The following IDH3A variants were observed in gnomAD, a reference collection of about 807,000 sequenced individuals.
IDH3A encodes the protein isocitrate dehydrogenase [NAD] subunit alpha, mitochondrial.
Under a neutral mutation model 43.3 loss-of-function variants are expected in IDH3A, and 23 were observed. The observed-to-expected ratio is 0.53, with a 90% CI of 0.38 to 0.75. The LOEUF (loss-of-function observed/expected upper bound fraction) is 0.75, where lower values mean the gene tolerates loss of function less well. Among genes scored for constraint, IDH3A ranks in the 30% least tolerant of loss-of-function variants. The pLI is 0.00. For synonymous variants in IDH3A, 154 were observed against 163.5 expected (o/e 0.94, Z 0.44); for missense variants, 329 against 474.4 (o/e 0.69, Z 2.85).
At chr15:78,151,240 G>A (rs2074571260) in intron 1 of IDH3A, 1 of 152,232 alleles carries the variant, frequency 6.6e-6, no homozygotes, top group South Asian at 2.1e-4. Flanking sequence ...GTGCTGAGCT[G>A]GATGCCGGTT....
At chr15:78,150,842 G>C (rs566964669) in intron 1 of IDH3A, 19 of 152,294 alleles carry the variant, frequency 1.2e-4, no homozygotes, top group African/African-American at 4.3e-4. Flanking sequence ...AGATTTGCTT[G>C]TGATGATAAC....
chr15:78,162,403 T>C, intron 6 of IDH3A, 36 bp downstream of exon 6: 1 of 1,608,460 alleles, frequency 6.2e-7, no homozygotes. Flanking sequence ...CCCATCTTGC[T>C]TTGTTGTGGG....
intron 3 of IDH3A, among the ~76,000 whole-genome samples, chr15:78,159,340 A>T (rs1222095588): frequency 1.3e-5 from 2 of 149,040 alleles, no homozygotes; most frequent in African/African-American, 5.0e-5. Context: ...CCAACCACTC[A>T]TCTACTTTCT....
intron 9 of IDH3A, 102 bp downstream of exon 9, chr15:78,165,178 G>T (rs2141301479): frequency 2.7e-6 from 2 of 746,914 alleles, no homozygotes; most frequent in African/African-American, 1.9e-5. Context: ...TTTTCAAATT[G>T]TCAAAACAAA....
At chr15:78,164,480 T>G (rs1381737467) in intron 8 of IDH3A, among the ~76,000 whole-genome samples, 3 of 151,832 alleles carry the variant, frequency 2.0e-5, no homozygotes, top group Non-Finnish European at 4.4e-5. Context: ...CCCTGAGTAG[T>G]TGGTATTATT....
At chr15:78,165,403 C>T (rs1225996407) in intron 9 of IDH3A, among the ~76,000 whole-genome samples, 1 of 151,958 alleles carries the variant, frequency 6.6e-6, no homozygotes, top group Non-Finnish European at 1.5e-5. Flanking sequence ...GTTGGCCAGG[C>T]TGTTCTTGAA....
At chr15:78,167,292 G>C (rs1005318811) in intron 10 of IDH3A, among the ~76,000 whole-genome samples, 2 of 152,184 alleles carry the variant, frequency 1.3e-5, no homozygotes, top group African/African-American at 2.4e-5. Flanking sequence ...GAGGTACAGA[G>C]AGAATAAATA....
Position 78,170,488 on chromosome 15 carries a change from T to C in IDH3A, c.*1483T>C, listed in dbSNP as rs1329870429. On this transcript the variant is annotated 3_prime_UTR_variant, in exon 11 of 11. Transcript: ENST00000299518. ...TGCTGCTTCCTCTGTTTCATTGGAT[T>C]GTGCCAGTTATCAGTGGCTCTTGGG... 1 of 152,238 alleles carries C rather than the reference T, an allele frequency of 6.6e-6. No homozygotes were observed. Among genetic ancestry groups the C allele is most frequent in the African/African-American group, 2.4e-5 (1 of 41,454 alleles). The allele number at this position is 152,238 out of a possible 1,614,324, so 9.4% of individuals were successfully genotyped here. A position where few individuals can be genotyped will look rare whatever the true frequency, so the allele number is the denominator to read the frequency against.
At chr15:78,154,189 A>AG (rs2074604972) in intron 1 of IDH3A, among the ~76,000 whole-genome samples, 2 of 65,092 alleles carry the variant, frequency 3.1e-5, no homozygotes, top group Non-Finnish European at 8.2e-5. Flanking sequence ...TTGGAGAGAG[A>AG]AAAAAAAAAA....
chr15:78,165,731 C>T (rs2074733181), intron 9 of IDH3A, among the ~76,000 whole-genome samples: 2 of 151,980 alleles, frequency 1.3e-5, no homozygotes, highest in Non-Finnish European at 2.9e-5. Context: ...TTCTGTCACC[C>T]AGGCTGGAGT....
At chr15:78,163,347 T>C in intron 6 of IDH3A, 160 bp from the exon 7 acceptor site, 1 of 575,136 alleles carries the variant, frequency 1.7e-6, no homozygotes, top group Non-Finnish European at 3.1e-6. Context: ...ATTTTCAGCT[T>C]ATATTTTATT....
At chr15:78,162,422 G>T in intron 6 of IDH3A, 55 bp downstream of exon 6, 4 of 1,589,382 alleles carry the variant, frequency 2.5e-6, no homozygotes, top group Non-Finnish European at 3.4e-6. Flanking sequence ...GGAGAGCAGT[G>T]ACAGGGCTTC....
chr15:78,157,341 CAGGTAAAG>C, intron 2 of IDH3A, 199 bp from the exon 3 acceptor site: 1 of 640,736 alleles, frequency 1.6e-6, no homozygotes, highest in Non-Finnish European at 2.5e-6. Flanking sequence ...CCTCTGAACT[CAGGTAAAG>C]AGTAGGATTG....
At chr15:78,168,181 A>G (rs1456849630) in intron 10 of IDH3A, 1 of 151,964 alleles carries the variant, frequency 6.6e-6, no homozygotes, top group Non-Finnish European at 1.5e-5. Flanking sequence ...AGTTGCAGCT[A>G]TAGGCTGAGG....
At chr15:78,158,463 A>ATATATATATATATATATT (rs1212083496) in intron 3 of IDH3A, among the ~76,000 whole-genome samples, 1 of 67,388 alleles carries the variant, frequency 1.5e-5, no homozygotes, top group African/African-American at 5.5e-5. Flanking sequence ...ATATATATAT[A>ATATATATATATATATATT]TTTTTTTTTT....
At chr15:78,154,348 C>T (rs2074607171) in intron 1 of IDH3A, 1 of 152,106 alleles carries the variant, frequency 6.6e-6, no homozygotes, top group Non-Finnish European at 1.5e-5. Context: ...TATTTAAAAT[C>T]TTTATTCTGT....
At chr15:78,157,434 A>G (rs2074632957) in intron 2 of IDH3A, 114 bp from the exon 3 acceptor site, 1 of 754,114 alleles carries the variant, frequency 1.3e-6, no homozygotes, top group Non-Finnish European at 2.1e-6. Context: ...TCTTAACAGC[A>G]TTTGAATCTT....
chr15:78,160,320 C>T, intron 4 of IDH3A, 114 bp downstream of exon 4: 3 of 616,574 alleles, frequency 4.9e-6, no homozygotes, highest in South Asian at 1.9e-5. Context: ...GAAGGTAACG[C>T]CATTCTTTTA....
chr15:78,155,149 C>T (rs750065918), intron 1 of IDH3A, 64 bp from the exon 2 acceptor site: 47 of 1,202,928 alleles, frequency 3.9e-5, no homozygotes, highest in Non-Finnish European at 4.7e-5. Flanking sequence ...AGGACTTCCT[C>T]GCTCTTGTTT....
Sources: allele counts gnomAD v4.1 joint callset (sites outside exome capture counted in the v4.1 genomes callset), GRCh38; gene constraint gnomAD v4.1.1; transcripts MANE v1.5; gene names NCBI Gene and HGNC (gene_info 2026-07-23, HGNC 2026-07-21).